RPH3AL: variants seen among roughly 807,000 people sequenced by gnomAD.
The protein encoded by RPH3AL is rab effector Noc2.
Under a neutral mutation model 43.1 loss-of-function variants are expected in RPH3AL, and 38 were observed. That is an observed-to-expected ratio of 0.88 (90% CI 0.68 to 1.15). RPH3AL has a LOEUF of 1.15. Among genes scored for constraint, RPH3AL ranks in the 50% most tolerant of loss-of-function variants. The pLI is 0.00. For synonymous variants in RPH3AL, 189 were observed against 176.3 expected, an observed-to-expected ratio of 1.07 and a Z score of -0.57; for missense variants, 462 against 423.2, an observed-to-expected ratio of 1.09 and a Z score of -0.81.
At chr17:238,455 C>T (rs780320836) in intron 7 of RPH3AL, among the ~76,000 whole-genome samples, 9 of 152,214 alleles carry the variant, frequency 5.9e-5, no homozygotes, top group African/African-American at 1.9e-4. Flanking sequence ...CTGTCCTCGG[C>T]GTTGGAGGCA....
At chr17:278,192 A>G (rs1225228752) in intron 6 of RPH3AL, among the ~76,000 whole-genome samples, 1 of 152,120 alleles carries the variant, frequency 6.6e-6, no homozygotes, top group Non-Finnish European at 1.5e-5. Flanking sequence ...GTGATAGTGA[A>G]TGAGTCTCAC....
chr17:215,159 T>C lies in RPH3AL; in HGVS notation c.876+495A>G, dbSNP rs1389549903. ...TTCTTGAAGGAGACAGGGCTGATCC[T>C]GCACCTGCGCAGTTTTCTCTGGCTT... On this transcript the variant is annotated intron_variant, in intron 9 of 9. Transcript: ENST00000331302. This position sits in a 1 kb window ranked among gnomAD's most constrained non-coding sequence, Gnocchi z 4.1. 2.0e-5 allele frequency among the ~76,000 whole-genome samples: 3 copies of C among 152,150 alleles called. No individual in the cohort carries two copies. The highest frequency in any genetic ancestry group is 2.0e-4 in the Admixed American group (3 of 15,286).
chr17:297,073 C>T (rs2043201537), intron 5 of RPH3AL, among the ~76,000 whole-genome samples: 1 of 152,176 alleles, frequency 6.6e-6, no homozygotes, highest in African/African-American at 2.4e-5. Context: ...CTCTGGAACA[C>T]AACCCTCTCC....
rs933759261 is a variant in RPH3AL, at chr17:215,631, G to C, written c.876+23C>G. Reference sequence around the variant, plus strand: ...ACGGCCGCGGGGGCAGGAGAGGGGAGAAGGCAGCAGTTGGGTACTCACCGG... The same window carrying C: ...ACGGCCGCGGGGGCAGGAGAGGGGACAAGGCAGCAGTTGGGTACTCACCGG... On this transcript the variant is annotated intron_variant, in intron 9 of 9. Transcript: ENST00000331302. This position sits in a 1 kb window ranked among gnomAD's most constrained non-coding sequence, Gnocchi z 4.1. 7.9e-7 allele frequency: 1 copy of C among 1,263,636 alleles called. No homozygotes were observed. The highest frequency in any genetic ancestry group is 1.0e-6 in the Non-Finnish European group (1 of 999,290). 78.3% of individuals were successfully genotyped at this position (1,263,636 alleles called of 1,614,324 possible).
chr17:315,851 A>C (rs1598102766), intron 5 of RPH3AL, among the ~76,000 whole-genome samples: 1 of 145,950 alleles, frequency 6.9e-6, no homozygotes, highest in South Asian at 2.2e-4. Context: ...ACCTCCATTG[A>C]CCTGTAGTCC....
In RPH3AL at chr17:330,370, G is replaced by T. The variant is rs549898167; in HGVS notation, c.-36-2791C>A. ...AGATCACCCAGGACCTCCTCAGATG[G>T]AGGCTCAATCTTCTCCCAGATGAGG... On this transcript the variant is annotated intron_variant, in intron 2 of 9. Coordinates refer to ENST00000331302, the MANE Select transcript of RPH3AL (RefSeq NM_006987.4). Among the ~76,000 whole-genome samples the T allele has an allele frequency of 7.9e-4, 120 of 152,330 alleles. 2 individuals carry two copies. The highest frequency in any genetic ancestry group is 2.7e-3 in the African/African-American group (112 of 41,564).
intron 6 of RPH3AL, among the ~76,000 whole-genome samples, chr17:259,335 G>A (rs1437497394): frequency 1.3e-5 from 2 of 152,114 alleles, no homozygotes; most frequent in African/African-American, 2.4e-5. Flanking sequence ...CTTCCGCAGG[G>A]GAGAGCAGAT....
chr17:219,610 C>T lies in RPH3AL; in HGVS notation c.727+13G>A. 1 of 1,503,440 alleles carries T rather than the reference C, an allele frequency of 6.7e-7. No individual in the cohort carries two copies. Among genetic ancestry groups the T allele is most frequent in the Non-Finnish European group, 9.1e-7 (1 of 1,102,344 alleles). The allele number at this position is 1,503,440 out of a possible 1,614,324, so 93.1% of individuals were successfully genotyped here. On this transcript the variant is annotated intron_variant, in intron 8 of 9. Coordinates refer to ENST00000331302, the MANE Select transcript of RPH3AL (RefSeq NM_006987.4). ...TGCCCGGCCAATAAGCAGCATTTCACTCCCCACCTTACCTGACTCCTTCCA... is the reference window on the plus strand; with the variant it reads ...TGCCCGGCCAATAAGCAGCATTTCATTCCCCACCTTACCTGACTCCTTCCA...
At chr17:273,021 GA>G (rs2042536260) in intron 6 of RPH3AL, among the ~76,000 whole-genome samples, 2 of 119,584 alleles carry the variant, frequency 1.7e-5, no homozygotes, top group Admixed American at 8.0e-5. Flanking sequence ...GCGACATCAG[GA>G]AGAGACCCCA....
At chr17:241,236 G>A (rs1051723104) in intron 7 of RPH3AL, among the ~76,000 whole-genome samples, 1 of 151,490 alleles carries the variant, frequency 6.6e-6, no homozygotes, top group African/African-American at 2.4e-5. Context: ...CAAAATATAC[G>A]AATTTAAAAG....
chr17:263,506 C>T (rs370855814), intron 6 of RPH3AL, among the ~76,000 whole-genome samples: 438 of 152,284 alleles, frequency 2.9e-3, no homozygotes, highest in African/African-American at 0.01. Flanking sequence ...TGCCGTTCCC[C>T]AACGTTAGCT....
Position 284,079 on chromosome 17 carries a change from C to T in RPH3AL, c.352-2225G>A, listed in dbSNP as rs531245147. 1.6e-4 allele frequency among the ~76,000 whole-genome samples: 24 copies of T among 152,344 alleles called. No individual in the cohort carries two copies. The South Asian group carries it at 5.0e-3, about 32-fold the overall frequency. ...CTCTCCCTTCTGCACTCTACACACGCATCGGTTGAGGGCAGCTCACCTTAT... is the reference window on the plus strand; with the variant it reads ...CTCTCCCTTCTGCACTCTACACACGTATCGGTTGAGGGCAGCTCACCTTAT... On this transcript the variant is annotated intron_variant, in intron 5 of 9. Transcript: ENST00000331302.
chr17:219,532 T>TCC, intron 8 of RPH3AL, 91 bp downstream of exon 8: 1 of 252,322 alleles, frequency 4.0e-6, no homozygotes, highest in Non-Finnish European at 7.5e-6. Flanking sequence ...CTTCCTTTTT[T>TCC]TTTTTTTTTT....
intron 1 of RPH3AL, chr17:349,521 T>C (rs1199129344): frequency 6.6e-6 from 1 of 152,144 alleles, no homozygotes; most frequent in African/African-American, 2.4e-5. Flanking sequence ...CACATATTGA[T>C]TATTTCAAAA....
chr17:316,854 T>C (rs1231299633), intron 5 of RPH3AL, among the ~76,000 whole-genome samples: 13 of 148,822 alleles, frequency 8.7e-5, no homozygotes, highest in African/African-American at 3.3e-4. Context: ...CCACCTCCAG[T>C]GATGTGTAGT....
At position 328,820 on chromosome 17, in the gene RPH3AL, G is replaced by A. The variant is rs1276876340; in HGVS notation, c.-36-1241C>T. Among the ~76,000 whole-genome samples the A allele has an allele frequency of 6.6e-6, 1 of 152,184 alleles. No individual in the cohort carries two copies. Among genetic ancestry groups the A allele is most frequent in the Non-Finnish European group, 1.5e-5 (1 of 68,038 alleles). ...ATTTGGCCGTAAAAAGGAATGAAGTGCTAATACCAGCTACAACATGGATGA... is the reference window on the plus strand; with the variant it reads ...ATTTGGCCGTAAAAAGGAATGAAGTACTAATACCAGCTACAACATGGATGA... On this transcript the variant is annotated intron_variant, in intron 2 of 9. Coordinates refer to ENST00000331302, the MANE Select transcript of RPH3AL (RefSeq NM_006987.4). This position sits in a 1 kb window ranked among gnomAD's most constrained non-coding sequence, Gnocchi z 4.2.
At chr17:301,216 G>A (rs1567627603) in intron 5 of RPH3AL, among the ~76,000 whole-genome samples, 3 of 152,242 alleles carry the variant, frequency 2.0e-5, no homozygotes, top group Non-Finnish European at 2.9e-5. Flanking sequence ...CACCTTATTC[G>A]AAAGTGGGAC....
chr17:255,956 G>T (rs1597949923), intron 6 of RPH3AL, among the ~76,000 whole-genome samples: 1 of 38,220 alleles, frequency 2.6e-5, no homozygotes, highest in Admixed American at 3.0e-4. Context: ...CTAGGAATAT[G>T]ACTACCCTAC....
rs374352555 is a variant in RPH3AL at position 347,480 on chromosome 17, A to G, written c.-213+5232T>C. ...ATGCCCACAGTCCCAGCTCCTCGAG[A>G]GGCTGAGATGGGAGGATGGCTTGAG... On this transcript the variant is annotated intron_variant, in intron 1 of 9. Transcript: ENST00000331302. Among the ~76,000 whole-genome samples, 17 of 152,152 alleles carry G rather than the reference A, an allele frequency of 1.1e-4. No homozygotes were observed. The East Asian group carries it at 3.3e-3, about 29-fold the overall frequency.
Sources: allele counts gnomAD v4.1 joint callset (sites outside exome capture counted in the v4.1 genomes callset), GRCh38; gene constraint gnomAD v4.1.1; non-coding constraint Gnocchi (gnomAD v3.1); transcripts MANE v1.5; gene names NCBI Gene and HGNC (gene_info 2026-07-23, HGNC 2026-07-21).